Variants in AGMO observed in about 807,000 individuals in gnomAD.
The protein encoded by AGMO is alkylglycerol monooxygenase, also known as glyceryl-ether monooxygenase.
A neutral mutation model predicts 60.2 loss-of-function variants in AGMO; 75 were observed. The ratio of observed to expected loss-of-function variants is 1.25; its 90% confidence interval spans 1.03 to 1.51. The LOEUF is 1.51. Among genes scored for constraint, AGMO ranks in the 40% most tolerant of loss-of-function variants. The pLI is 0.00. For synonymous variants in AGMO, 261 were observed against 177.1 expected (o/e 1.47, Z -3.76); for missense variants, 763 against 525.5 (o/e 1.45, Z -4.42).
At chr7:15,161,243 A>G in the AGMO span, among the ~76,000 whole-genome samples, 4 of 152,188 alleles carry the variant, frequency 2.6e-5, no homozygotes, top group African/African-American at 9.6e-5. Flanking sequence ...GAATGAAGCC[A>G]ATTACCTTCC....
intron 12 of AGMO, among the ~76,000 whole-genome samples, chr7:15,232,803 A>ACG (rs1782297515): frequency 2.8e-5 from 3 of 106,290 alleles, no homozygotes; most frequent in South Asian, 5.7e-4. Flanking sequence ...ACACACACGC[A>ACG]CACACACACA....
chr7:15,383,978 C>G (rs963649660), intron 10 of AGMO, among the ~76,000 whole-genome samples: 20 of 152,072 alleles, frequency 1.3e-4, no homozygotes, highest in Non-Finnish European at 2.6e-4. Context: ...CTCTGTCCCC[C>G]AGGCTGGAGT....
chr7:15,479,561 C>T (rs898554347), intron 3 of AGMO, among the ~76,000 whole-genome samples: 1 of 152,066 alleles, frequency 6.6e-6, no homozygotes, highest in African/African-American at 2.4e-5. Context: ...TGAAAGGGAT[C>T]ATCATGGTTT....
intron 12 of AGMO, among the ~76,000 whole-genome samples, chr7:15,224,428 C>T (rs1339974076): frequency 2.0e-5 from 3 of 151,724 alleles, no homozygotes; most frequent in African/African-American, 7.3e-5. Flanking sequence ...CCCTTTTTGT[C>T]TCTCTGTCCT....
At chr7:15,250,611 G>T (rs1385659703) in intron 12 of AGMO, among the ~76,000 whole-genome samples, 1 of 151,538 alleles carries the variant, frequency 6.6e-6, no homozygotes, top group East Asian at 1.9e-4. Flanking sequence ...AAATTAATTT[G>T]CAGATATAAA....
chr7:15,383,401 T>C (rs1177171844), intron 10 of AGMO, among the ~76,000 whole-genome samples: 1 of 152,092 alleles, frequency 6.6e-6, no homozygotes, highest in Non-Finnish European at 1.5e-5. Context: ...CTGCGTTGAA[T>C]TTCTGCCATA....
chr7:15,255,534 C>CAATAAAAAAAAAAAAAA (rs1783068869), intron 12 of AGMO, among the ~76,000 whole-genome samples: 1 of 115,830 alleles, frequency 8.6e-6, no homozygotes, highest in African/African-American at 3.2e-5. Context: ...TGTAAGAATA[C>CAATAAAAAAAAAAAAAA]AAAAAAAAAA....
chr7:15,548,807 TA>T (rs1207617562), intron 2 of AGMO, among the ~76,000 whole-genome samples: 7 of 151,932 alleles, frequency 4.6e-5, no homozygotes, highest in Non-Finnish European at 8.8e-5. Context: ...TTTCAGGAAA[TA>T]CAGAGAACGC....
intron 12 of AGMO, among the ~76,000 whole-genome samples, chr7:15,280,018 G>A (rs1783916778): frequency 6.6e-6 from 1 of 152,202 alleles, no homozygotes; most frequent in Non-Finnish European, 1.5e-5. Flanking sequence ...GAAGCTTCCA[G>A]CTGAAATTAG....
chr7:15,273,966 TGATTTTGCATCCTGAGACTTTGCTGAA>T (rs1220841889), intron 12 of AGMO, among the ~76,000 whole-genome samples: 33 of 152,238 alleles, frequency 2.2e-4, no homozygotes, highest in Non-Finnish European at 2.9e-5. Context: ...TTTTGTACAT[TGATTTTGCATCCTGAGACTTTGCTGAA>T]GTTACTTATC....
intron 10 of AGMO, among the ~76,000 whole-genome samples, chr7:15,384,818 T>TC (rs1491499928): frequency 2.0e-3 from 13 of 6,376 alleles, no homozygotes; most frequent in South Asian, 8.8e-3. Context: ...TGTTTTTCTC[T>TC]TTTTTTTTTT....
intron 3 of AGMO, among the ~76,000 whole-genome samples, chr7:15,461,287 T>TATGTAAAAAATATGTAA (rs1782134561): frequency 1.3e-5 from 2 of 151,818 alleles, no homozygotes; most frequent in African/African-American, 4.8e-5. Flanking sequence ...ATTCCATATT[T>TATGTAAAAAATATGTAA]AACCTTCCAT....
intron 5 of AGMO, among the ~76,000 whole-genome samples, chr7:15,416,030 T>G (rs983702853): frequency 1.4e-5 from 2 of 146,626 alleles, no homozygotes; most frequent in African/African-American, 4.9e-5. Context: ...TTTTTTTCTT[T>G]TTTTTTTTTT....
intron 12 of AGMO, among the ~76,000 whole-genome samples, chr7:15,353,622 G>A (rs749789588): frequency 1.1e-4 from 17 of 152,028 alleles, no homozygotes; most frequent in Admixed American, 2.0e-4. Flanking sequence ...AAATTTTTCC[G>A]AAAACACCTA....
intron 8 of AGMO, among the ~76,000 whole-genome samples, chr7:15,389,561 G>C (rs1449398516): frequency 6.6e-6 from 1 of 152,132 alleles, no homozygotes; most frequent in East Asian, 1.9e-4. Context: ...TGTACGAGGA[G>C]ATAAAAATGC....
intron 12 of AGMO, among the ~76,000 whole-genome samples, chr7:15,297,575 G>A (rs536831683): frequency 2.6e-5 from 4 of 152,180 alleles, no homozygotes; most frequent in Admixed American, 2.0e-4. Flanking sequence ...ATTTGGCCAC[G>A]AAGTTGAGAA....
At chr7:15,547,918 C>A (rs1302958695) in intron 2 of AGMO, among the ~76,000 whole-genome samples, 1 of 152,178 alleles carries the variant, frequency 6.6e-6, no homozygotes, top group Non-Finnish European at 1.5e-5. Flanking sequence ...ATGTCCCTGT[C>A]TGATAGCTTT....
chr7:15,368,030 G>C (rs1281614054), intron 10 of AGMO, among the ~76,000 whole-genome samples: 1 of 151,944 alleles, frequency 6.6e-6, no homozygotes, highest in South Asian at 2.1e-4. Flanking sequence ...CAACTTCCTG[G>C]AATGGCAGCC....
At chr7:15,451,420 C>A (rs990386911) in intron 3 of AGMO, among the ~76,000 whole-genome samples, 3 of 151,980 alleles carry the variant, frequency 2.0e-5, no homozygotes, top group Non-Finnish European at 4.4e-5. Flanking sequence ...ATACTTTAAA[C>A]TGGATAATTT....
Sources: allele counts gnomAD v4.1 joint callset (sites outside exome capture counted in the v4.1 genomes callset), GRCh38; gene constraint gnomAD v4.1.1; transcripts MANE v1.5; gene names NCBI Gene and HGNC (gene_info 2026-07-23, HGNC 2026-07-21).